TAFA5: variants seen among roughly 807,000 people sequenced by gnomAD.
TAFA5 encodes the protein TAFA chemokine like family member 5.
In TAFA5, 6 loss-of-function variants were observed where a neutral mutation model predicts 15.3. The ratio of observed to expected loss-of-function variants is 0.39; its 90% CI spans 0.21 to 0.77. The LOEUF (loss-of-function observed/expected upper bound fraction) is 0.77, where lower values mean the gene tolerates loss of function less well. Among genes scored for constraint, TAFA5 ranks in the 30% least tolerant of loss-of-function variants. TAFA5 has a pLI of 0.41. For missense variants in TAFA5, 161 were observed against 193.1 expected, an observed-to-expected ratio of 0.83 and a Z score of 0.98; for synonymous variants, 103 against 80.7, an observed-to-expected ratio of 1.28 and a Z score of -1.48.
intron 1 of TAFA5, among the ~76,000 whole-genome samples, chr22:48,569,335 A>T (rs1242992388): frequency 6.6e-6 from 1 of 152,142 alleles, no homozygotes; most frequent in Non-Finnish European, 1.5e-5. Flanking sequence ...CGGCCCCGAC[A>T]TTTGAAATGA....
intron 1 of TAFA5, among the ~76,000 whole-genome samples, chr22:48,621,046 AT>A (rs1925812278): frequency 4.5e-5 from 1 of 22,468 alleles, no homozygotes; most frequent in Non-Finnish European, 8.2e-5. Context: ...CCTCCCACCC[AT>A]CCACCCACCA....
intron 3 of TAFA5, among the ~76,000 whole-genome samples, chr22:48,708,300 C>T (rs1929146481): frequency 2.0e-5 from 3 of 152,166 alleles, no homozygotes; most frequent in Non-Finnish European, 4.4e-5. Context: ...GTGCTCCTTC[C>T]GTCCCTGGGC....
chr22:48,714,238 A>G (rs1929338976), intron 3 of TAFA5, among the ~76,000 whole-genome samples: 1 of 152,228 alleles, frequency 6.6e-6, no homozygotes, highest in Non-Finnish European at 1.5e-5. Flanking sequence ...AACCCCCTGT[A>G]GGGTGACAGG....
intron 1 of TAFA5, among the ~76,000 whole-genome samples, chr22:48,521,266 C>A (rs1487377905): frequency 6.6e-6 from 1 of 152,148 alleles, no homozygotes; most frequent in Non-Finnish European, 1.5e-5. Context: ...ATTCCAGGAA[C>A]CCCTCTTCCC....
chr22:48,531,022 C>G (rs1479930440), intron 1 of TAFA5, among the ~76,000 whole-genome samples: 1 of 152,134 alleles, frequency 6.6e-6, no homozygotes, highest in African/African-American at 2.4e-5. Context: ...TGCCAGCCGG[C>G]AAGAGCTGGT....
intron 1 of TAFA5, among the ~76,000 whole-genome samples, chr22:48,551,404 C>T (rs1922851448): frequency 6.6e-6 from 1 of 152,200 alleles, no homozygotes; most frequent in South Asian, 2.1e-4. Flanking sequence ...CGTATCCTCT[C>T]CTCTCACCTC....
intron 3 of TAFA5, among the ~76,000 whole-genome samples, chr22:48,739,680 T>A (rs1276571585): frequency 6.6e-6 from 1 of 152,238 alleles, no homozygotes; most frequent in South Asian, 2.1e-4. Context: ...AGGTTAACAA[T>A]GACCAATAAA....
chr22:48,517,398 G>A (rs910602082), intron 1 of TAFA5, among the ~76,000 whole-genome samples: 1 of 152,136 alleles, frequency 6.6e-6, no homozygotes, highest in Non-Finnish European at 1.5e-5. Flanking sequence ...TGCAAGATGG[G>A]AAGCAGCCCT....
At chr22:48,638,055 T>G (rs9617447) in intron 1 of TAFA5, among the ~76,000 whole-genome samples, 1 of 151,740 alleles carries the variant, frequency 6.6e-6, no homozygotes, top group Non-Finnish European at 1.5e-5. Context: ...CCACACACCT[T>G]GAGATTCTCA....
intron 2 of TAFA5, among the ~76,000 whole-genome samples, chr22:48,694,808 C>T (rs1928655644): frequency 4.3e-5 from 1 of 23,314 alleles, no homozygotes; most frequent in Non-Finnish European, 1.3e-4. Flanking sequence ...AGACCTCCGC[C>T]CCCACCCGCC....
Position 48,576,049 on chromosome 22 carries a change from C to A in TAFA5, c.113-70548C>A, listed in dbSNP as rs890264238. Reference sequence around the variant, plus strand: ...CCGGGGCCGCGCCGGACCCCCCCCCCCCCCGCGCCGCCCGGCCGTTGCGCA... The same window carrying A: ...CCGGGGCCGCGCCGGACCCCCCCCCACCCCGCGCCGCCCGGCCGTTGCGCA... On this transcript the variant is annotated intron_variant, in intron 1 of 3. Coordinates refer to ENST00000402357, the MANE Select transcript of TAFA5 (RefSeq NM_001082967.3). Among the ~76,000 whole-genome samples, 12 of 115,412 alleles carry A rather than the reference C, an allele frequency of 1.0e-4. 1 individual carries two copies. The highest frequency in any genetic ancestry group is 8.9e-4 in the South Asian group (3 of 3,366). 75.7% of individuals were successfully genotyped at this position (115,412 alleles called of 152,430 possible).
intron 2 of TAFA5, among the ~76,000 whole-genome samples, chr22:48,656,670 G>T (rs940389728): frequency 7.1e-6 from 1 of 140,688 alleles, no homozygotes; most frequent in Non-Finnish European, 1.5e-5. Flanking sequence ...GTAGAATATA[G>T]AAAAATAATG....
chr22:48,587,199 G>A (rs895135514), intron 1 of TAFA5, among the ~76,000 whole-genome samples: 7 of 152,204 alleles, frequency 4.6e-5, no homozygotes, highest in African/African-American at 1.2e-4. Context: ...TCTGTGTGGA[G>A]GCCCATGACG....
intron 1 of TAFA5, among the ~76,000 whole-genome samples, chr22:48,559,767 C>A (rs1225570156): frequency 6.6e-6 from 1 of 152,050 alleles, no homozygotes; most frequent in Non-Finnish European, 1.5e-5. Context: ...GCGGGGCCTG[C>A]CTTTGGGGAG....
chr22:48,644,045 C>T (rs577846576), intron 1 of TAFA5, among the ~76,000 whole-genome samples: 6 of 152,372 alleles, frequency 3.9e-5, no homozygotes, highest in South Asian at 4.1e-4. Context: ...ACGCAGTAAC[C>T]GCTGTTATCC....
chr22:48,661,497 C>G (rs1050010812), intron 2 of TAFA5, among the ~76,000 whole-genome samples: 1 of 152,208 alleles, frequency 6.6e-6, no homozygotes, highest in Non-Finnish European at 1.5e-5. Flanking sequence ...CCAAAGACAC[C>G]TTATGGCGTG....
At chr22:48,627,197 A>T (rs1316022621) in intron 1 of TAFA5, among the ~76,000 whole-genome samples, 1 of 152,070 alleles carries the variant, frequency 6.6e-6, no homozygotes, top group Non-Finnish European at 1.5e-5. Context: ...TAATAGTTGA[A>T]TTTTTCTGGA....
intron 1 of TAFA5, among the ~76,000 whole-genome samples, chr22:48,510,731 C>G (rs528995151): frequency 1.3e-5 from 2 of 152,320 alleles, no homozygotes; most frequent in East Asian, 3.9e-4. Flanking sequence ...TCCCTGTGCT[C>G]TGAGCTCCCT....
chr22:48,536,793 C>A (rs929906246), intron 1 of TAFA5, among the ~76,000 whole-genome samples: 1 of 152,182 alleles, frequency 6.6e-6, no homozygotes, highest in African/African-American at 2.4e-5. Context: ...TTTCTGTGCT[C>A]CAGGAGGGTT....
Sources: allele counts gnomAD v4.1 joint callset (sites outside exome capture counted in the v4.1 genomes callset), GRCh38; gene constraint gnomAD v4.1.1; transcripts MANE v1.5; gene names NCBI Gene and HGNC (gene_info 2026-07-23, HGNC 2026-07-21).